The following NTNG1 variants were observed in gnomAD, a reference collection of about 807,000 sequenced individuals.
NTNG1 encodes netrin-G1.
In NTNG1, 16 loss-of-function variants were observed where a neutral mutation model predicts 54.0. The ratio of observed to expected loss-of-function variants is 0.30; its 90% CI spans 0.20 to 0.45. The LOEUF is 0.45. NTNG1 is among the 20% of genes least tolerant of loss of function. The pLI, the probability that NTNG1 is intolerant of heterozygous loss-of-function variation, is 1.00. For synonymous variants in NTNG1, 255 were observed against 263.1 expected (o/e 0.97, Z 0.30); for missense variants, 530 against 678.7 (o/e 0.78, Z 2.43).
chr1:107,245,864 G>A (rs1006760007), intron 2 of NTNG1, among the ~76,000 whole-genome samples: 4 of 152,082 alleles, frequency 2.6e-5, no homozygotes, highest in South Asian at 2.1e-4. Flanking sequence ...TCTATTACAT[G>A]TTATAATGAA....
At chr1:107,405,604 C>A (rs1423251031) in intron 4 of NTNG1, among the ~76,000 whole-genome samples, 1 of 152,116 alleles carries the variant, frequency 6.6e-6, no homozygotes, top group Non-Finnish European at 1.5e-5. Context: ...AACAGTCTTG[C>A]GGCTTTGTTT....
chr1:107,239,593 C>G (rs1661679014), intron 2 of NTNG1, among the ~76,000 whole-genome samples: 1 of 152,180 alleles, frequency 6.6e-6, no homozygotes, highest in African/African-American at 2.4e-5. Context: ...AATAATTCGA[C>G]CAAAATCCAA....
intron 2 of NTNG1, among the ~76,000 whole-genome samples, chr1:107,241,885 A>T (rs1011850486): frequency 8.5e-5 from 13 of 152,258 alleles, no homozygotes; most frequent in Non-Finnish European, 1.6e-4. Context: ...TCTTGAACTG[A>T]CTTAAAAGAG....
intron 2 of NTNG1, among the ~76,000 whole-genome samples, chr1:107,317,835 C>G (rs1430494652): frequency 6.6e-6 from 1 of 152,126 alleles, no homozygotes; most frequent in Non-Finnish European, 1.5e-5. Flanking sequence ...TCTATGCCAG[C>G]GGGGAATCTC....
intron 2 of NTNG1, among the ~76,000 whole-genome samples, chr1:107,159,081 C>G (rs1271101206): frequency 1.3e-5 from 2 of 152,110 alleles, no homozygotes; most frequent in African/African-American, 2.4e-5. Flanking sequence ...CATGCTCTCT[C>G]AAGAGAGAAC....
At chr1:107,458,671 G>A (rs1488324669) in intron 7 of NTNG1, among the ~76,000 whole-genome samples, 2 of 152,136 alleles carry the variant, frequency 1.3e-5, no homozygotes, top group Non-Finnish European at 2.9e-5. Context: ...TTTTGAAGCT[G>A]AGCAACTCAG....
chr1:107,294,524 A>C (rs574372916), intron 2 of NTNG1, among the ~76,000 whole-genome samples: 1 of 152,266 alleles, frequency 6.6e-6, no homozygotes, highest in East Asian at 1.9e-4. Context: ...CTCCACTACT[A>C]AACCTATAAT....
At chr1:107,416,252 T>A (rs1674191263) in intron 5 of NTNG1, among the ~76,000 whole-genome samples, 1 of 152,110 alleles carries the variant, frequency 6.6e-6, no homozygotes, top group Non-Finnish European at 1.5e-5. Context: ...TGATGGCTGC[T>A]GGTGGTTCTG....
chr1:107,369,724 A>T (rs1439001321), intron 3 of NTNG1, among the ~76,000 whole-genome samples: 1 of 151,890 alleles, frequency 6.6e-6, no homozygotes, highest in Non-Finnish European at 1.5e-5. Flanking sequence ...TTCTCTTAAC[A>T]TTGTCTTTTG....
chr1:107,191,040 C>A (rs961061254), intron 2 of NTNG1, among the ~76,000 whole-genome samples: 53 of 152,182 alleles, frequency 3.5e-4, no homozygotes, highest in African/African-American at 1.3e-3. Context: ...TACAGTCCCA[C>A]CAACAGTGTA....
At chr1:107,376,422 A>C (rs555151970) in intron 3 of NTNG1, among the ~76,000 whole-genome samples, 71 of 150,456 alleles carry the variant, frequency 4.7e-4, no homozygotes, top group African/African-American at 1.7e-3. Context: ...CAAAACAAAA[A>C]AAAAAACAAA....
intron 2 of NTNG1, among the ~76,000 whole-genome samples, chr1:107,198,191 T>C (rs1217906478): frequency 6.6e-6 from 1 of 152,020 alleles, no homozygotes; most frequent in African/African-American, 2.4e-5. Context: ...TGTTTCATTC[T>C]TTAGGTGTGA....
intron 2 of NTNG1, among the ~76,000 whole-genome samples, chr1:107,166,608 C>T (rs571222155): frequency 6.6e-6 from 1 of 152,100 alleles, no homozygotes; most frequent in South Asian, 2.1e-4. Context: ...TATAAAGATC[C>T]AATTCAAAAT....
rs1028811009 is a variant in NTNG1 at position 107,412,475 on chromosome 1, C to A, written c.1087+4767C>A. Among the ~76,000 whole-genome samples, 5 of 152,174 alleles carry A rather than the reference C, an allele frequency of 3.3e-5. 1 individual carries two copies. The highest frequency in any genetic ancestry group is 3.3e-4 in the Admixed American group (5 of 15,274). ...AGGAATGCCTATCTGGCTGCAAAGGCTACACTCATAACATTATACCAAGTG... is the reference window on the plus strand; with the variant it reads ...AGGAATGCCTATCTGGCTGCAAAGGATACACTCATAACATTATACCAAGTG... On this transcript the variant is annotated intron_variant, in intron 5 of 7. Transcript: ENST00000370068.
intron 3 of NTNG1, among the ~76,000 whole-genome samples, chr1:107,384,032 T>A (rs1355008249): frequency 3.9e-5 from 6 of 152,216 alleles, no homozygotes; most frequent in Admixed American, 3.3e-4. Flanking sequence ...GTAGTAATTA[T>A]CTTGTTATGT....
chr1:107,478,816 A>G (rs761540441), intron 7 of NTNG1, among the ~76,000 whole-genome samples: 11 of 152,262 alleles, frequency 7.2e-5, no homozygotes, highest in Admixed American at 1.3e-4. Flanking sequence ...AAACCTACAT[A>G]TGCTTTCCAA....
rs201986277 is a variant in NTNG1 at position 107,148,638 on chromosome 1, G to A, written c.45G>A (p.Thr15=). The part of the protein sequence containing the change: ...RFLSIHALWV[T]VSSVMQPYPL... ...TGTCGATTCATGCCCTTTGGGTTACGGTGTCCTCAGTGATGCAGCCCTACC... is the reference window on the plus strand; with the variant it reads ...TGTCGATTCATGCCCTTTGGGTTACAGTGTCCTCAGTGATGCAGCCCTACC... Residue 15 remains threonine (T), a synonymous_variant, in exon 2 of 8, where the codon ACG becomes ACA. Coordinates refer to ENST00000370068, the MANE Select transcript of NTNG1 (RefSeq NM_001113226.3). The A allele has an allele frequency of 8.5e-5, 137 of 1,612,968 alleles. No individual in the cohort carries two copies. The East Asian group carries it at 2.4e-3, about 28-fold the overall frequency.
At position 107,462,597 on chromosome 1, in the gene NTNG1, G is replaced by T. The variant is rs77494317; in HGVS notation, c.1391-18014G>T. Among the ~76,000 whole-genome samples, 675 of 152,236 alleles carry T rather than the reference G, an allele frequency of 4.4e-3. 4 individuals are homozygous for T. Among genetic ancestry groups the T allele is most frequent in the African/African-American group, 0.015 (633 of 41,526 alleles). On this transcript the variant is annotated intron_variant, in intron 7 of 7. Transcript: ENST00000370068. ...CACCAAATGTGATACATTTAATGGC[G>T]TATCAACATGTGCTTTTCCTTTAAT...
chr1:107,430,591 A>C (rs1315659929), intron 5 of NTNG1, 159 bp from the exon 6 acceptor site: 2 of 789,938 alleles, frequency 2.5e-6, no homozygotes, highest in Non-Finnish European at 2.3e-6. Flanking sequence ...TTTCCGTGCC[A>C]GTCACAACCA....
Sources: allele counts gnomAD v4.1 joint callset (sites outside exome capture counted in the v4.1 genomes callset), GRCh38; gene constraint gnomAD v4.1.1; transcripts MANE v1.5; gene names NCBI Gene and HGNC (gene_info 2026-07-23, HGNC 2026-07-21).